Variants in ZPLD1 observed in about 807,000 individuals in gnomAD.
ZPLD1 encodes the protein zona pellucida like domain containing 1.
Under a neutral mutation model 47.2 loss-of-function variants are expected in ZPLD1, and 34 were observed. The observed-to-expected ratio is 0.72, with a 90% CI of 0.55 to 0.96. The LOEUF (loss-of-function observed/expected upper bound fraction) is 0.96. Among genes scored for constraint, ZPLD1 ranks in the 40% least tolerant of loss-of-function variants. The probability of loss-of-function intolerance (pLI) is 0.00; values close to 1 mark genes in which losing one functional copy is unlikely to be tolerated. For synonymous variants in ZPLD1, 176 were observed against 186.2 expected, an observed-to-expected ratio of 0.95 and a Z score of 0.45; for missense variants, 512 against 505.8, an observed-to-expected ratio of 1.01 and a Z score of -0.12.
chr3:102,451,345 A>G (rs536378584), intron 3 of ZPLD1, among the ~76,000 whole-genome samples: 1 of 152,346 alleles, frequency 6.6e-6, no homozygotes, highest in East Asian at 1.9e-4. Flanking sequence ...TTCACCAAAA[A>G]TATGTGTTAT....
chr3:102,461,510 T>C (rs980476753), intron 6 of ZPLD1, among the ~76,000 whole-genome samples: 1 of 152,020 alleles, frequency 6.6e-6, no homozygotes, highest in Admixed American at 6.6e-5. Flanking sequence ...CTTCTATAAG[T>C]GACCTCTAAA....
Position 102,478,932 on chromosome 3 carries a change from T to C in ZPLD1, c.*1314T>C, listed in dbSNP as rs1435166391. The C allele has an allele frequency of 2.0e-5, 3 of 152,232 alleles. No homozygotes were observed. The highest frequency in any genetic ancestry group is 4.4e-5 in the Non-Finnish European group (3 of 68,036). The allele number at this position is 152,232 out of a possible 1,614,324, so 9.4% of individuals were successfully genotyped here. A position where few individuals can be genotyped will look rare whatever the true frequency, so the allele number is the denominator to read the frequency against. ...ATCACTAATTTCTATTCAACATTTG[T>C]GACCCATTAGTCCGGACTTAATTTA... On this transcript the variant is annotated 3_prime_UTR_variant, in exon 12 of 12. Coordinates refer to ENST00000466937, the MANE Select transcript of ZPLD1 (RefSeq NM_001329788.2).
At chr3:102,406,585 A>T (rs1559741935) in intron 7 of ZPLD1, among the ~76,000 whole-genome samples, 1 of 152,072 alleles carries the variant, frequency 6.6e-6, no homozygotes, top group East Asian at 1.9e-4. Flanking sequence ...TATATCGATT[A>T]TGGTTAACTT....
At chr3:102,420,336 TC>T (rs1392609279) in intron 8 of ZPLD1, among the ~76,000 whole-genome samples, 1 of 152,042 alleles carries the variant, frequency 6.6e-6, no homozygotes, top group East Asian at 1.9e-4. Context: ...TTGTGTCCTG[TC>T]CCCCAGATTT....
At chr3:102,391,177 A>G (rs557706040) in intron 6 of ZPLD1, among the ~76,000 whole-genome samples, 8 of 152,348 alleles carry the variant, frequency 5.3e-5, no homozygotes, top group South Asian at 2.1e-4. Flanking sequence ...TAAATTCTGC[A>G]ACTAAATACA....
intron 4 of ZPLD1, 72 bp downstream of exon 4, chr3:102,453,211 A>G (rs1238691006): frequency 5.2e-6 from 7 of 1,343,120 alleles, no homozygotes; most frequent in Non-Finnish European, 7.3e-6. Context: ...ATGAAAGAAT[A>G]AGATGCCCAA....
chr3:102,399,370 C>A (rs1706594075), intron 7 of ZPLD1, among the ~76,000 whole-genome samples: 1 of 152,036 alleles, frequency 6.6e-6, no homozygotes, highest in South Asian at 2.1e-4. Context: ...ATTCCTTATC[C>A]ACCTCACTTC....
intron 10 of ZPLD1, among the ~76,000 whole-genome samples, chr3:102,476,260 G>A (rs9872325): frequency 0.047 from 7,101 of 152,096 alleles, 563 homozygotes; most frequent in African/African-American, 0.16. Context: ...ACACAAATAT[G>A]AAATTACTCT....
chr3:102,450,373 C>G (rs889736978), intron 3 of ZPLD1, among the ~76,000 whole-genome samples: 2 of 152,154 alleles, frequency 1.3e-5, no homozygotes, highest in Non-Finnish European at 2.9e-5. Context: ...TATCTTTCCC[C>G]CAATTGTTCT....
rs1396139621 is a variant in ZPLD1, at chr3:102,470,426, G to A, written c.966G>A (p.Gly322=). The change falls in exon 10 of 12, where the codon GGG becomes GGA. Residue 322 remains glycine (G), a synonymous_variant. Coordinates refer to ENST00000466937, the MANE Select transcript of ZPLD1 (RefSeq NM_001329788.2). ...ICSHRERRDA[G]RRTTWSPQSS... ...GCCACAGAGAAAGGAGAGATGCTGG[G>A]AGGAGGACGACTTGGAGCCCCCAGA... 1 of 1,614,122 alleles carries A rather than the reference G, an allele frequency of 6.2e-7. No homozygotes were observed. Among genetic ancestry groups the A allele is most frequent in the East Asian group, 2.2e-5 (1 of 44,878 alleles).
chr3:102,397,007 A>G (rs1706565690), intron 7 of ZPLD1, among the ~76,000 whole-genome samples: 1 of 152,154 alleles, frequency 6.6e-6, no homozygotes, highest in South Asian at 2.1e-4. Flanking sequence ...AATGCAGGTA[A>G]AGTGCTTAGT....
At chr3:102,459,450 A>T (rs1306596564) in intron 6 of ZPLD1, among the ~76,000 whole-genome samples, 1 of 152,188 alleles carries the variant, frequency 6.6e-6, no homozygotes, top group Non-Finnish European at 1.5e-5. Context: ...GAAAATCAAA[A>T]TTTTGAAGTG....
chr3:102,477,399 A>G (rs1311083738), intron 11 of ZPLD1, 44 bp from the exon 12 acceptor site: 1 of 1,579,288 alleles, frequency 6.3e-7, no homozygotes, highest in Admixed American at 1.9e-5. Flanking sequence ...TGAGATAAAT[A>G]TTATATGGGG....
chr3:102,411,676 T>C (rs1238121302), intron 7 of ZPLD1, among the ~76,000 whole-genome samples: 5 of 151,794 alleles, frequency 3.3e-5, no homozygotes, highest in African/African-American at 1.2e-4. Context: ...ATGAGTCAAC[T>C]CAAATAGAAT....
intron 6 of ZPLD1, among the ~76,000 whole-genome samples, chr3:102,391,349 C>G (rs1164355614): frequency 6.6e-6 from 1 of 152,136 alleles, no homozygotes; most frequent in Non-Finnish European, 1.5e-5. Context: ...CTCCAAATTG[C>G]CACAACAATG....
intron 7 of ZPLD1, among the ~76,000 whole-genome samples, chr3:102,397,739 T>C (rs1370303293): frequency 6.6e-6 from 1 of 152,102 alleles, no homozygotes; most frequent in Non-Finnish European, 1.5e-5. Flanking sequence ...CACTCACCTT[T>C]CCCTGTTCTG....
rs973192008 is a variant in ZPLD1, at chr3:102,462,434, C to A, written c.680+56C>A. On this transcript the variant is annotated intron_variant, in intron 7 of 11. Transcript: ENST00000466937. ...AAAACTCTTTGACTGCCTAAATCCTCATGAGTCATAAAGTTGGGCCATTCA... is the reference window on the plus strand; with the variant it reads ...AAAACTCTTTGACTGCCTAAATCCTAATGAGTCATAAAGTTGGGCCATTCA... 17 of 1,217,090 alleles carry A rather than the reference C, an allele frequency of 1.4e-5. 1 individual carries two copies. Among genetic ancestry groups the A allele is most frequent in the Admixed American group, 4.0e-5 (2 of 49,608 alleles). 75.4% of individuals were successfully genotyped at this position (1,217,090 alleles called of 1,614,324 possible).
At chr3:102,393,648 TA>T (rs80092157) in intron 7 of ZPLD1, among the ~76,000 whole-genome samples, 26,393 of 145,196 alleles carry the variant, frequency 0.18, 2,349 homozygotes, top group Middle Eastern at 0.22. Flanking sequence ...CTTTGTAGAT[TA>T]AAAAAAAAAA....
rs1707780888 is a variant in ZPLD1 at position 102,477,748 on chromosome 3, A to G, written c.*130A>G. The G allele has an allele frequency of 2.4e-6, 2 of 845,708 alleles. No individual in the cohort carries two copies. The highest frequency in any genetic ancestry group is 6.5e-5 in the Admixed American group (2 of 30,542). 52.4% of individuals were successfully genotyped at this position (845,708 alleles called of 1,614,324 possible). A position where few individuals can be genotyped will look rare whatever the true frequency, so the allele number is the denominator to read the frequency against. On this transcript the variant is annotated 3_prime_UTR_variant, in exon 12 of 12. Coordinates refer to ENST00000466937, the MANE Select transcript of ZPLD1 (RefSeq NM_001329788.2). Reference sequence around the variant, plus strand: ...GTAGGTTTGATAAATTTCACAGTATAGCTTGTCAGCATAATGATAGTGAAA... The same window carrying G: ...GTAGGTTTGATAAATTTCACAGTATGGCTTGTCAGCATAATGATAGTGAAA...
Sources: allele counts gnomAD v4.1 joint callset (sites outside exome capture counted in the v4.1 genomes callset), GRCh38; gene constraint gnomAD v4.1.1; transcripts MANE v1.5; gene names NCBI Gene and HGNC (gene_info 2026-07-23, HGNC 2026-07-21).